SCIN: variants seen among roughly 807,000 people sequenced by gnomAD.
SCIN encodes the protein adseverin.
Under a neutral mutation model 91.8 loss-of-function variants are expected in SCIN, and 91 were observed. That is an observed-to-expected ratio of 0.99 (90% CI 0.84 to 1.18). The LOEUF is 1.18. Ranked by LOEUF, SCIN falls within the 50% of genes most tolerant of loss-of-function variation. The probability of loss-of-function intolerance (pLI) is 0.00; values close to 1 mark genes in which losing one functional copy is unlikely to be tolerated. For synonymous variants in SCIN, 367 were observed against 312.6 expected (o/e 1.17, Z -1.84); for missense variants, 1,087 against 863.9 (o/e 1.26, Z -3.24).
chr7:12,615,092 G>A (rs1783271889), intron 4 of SCIN, among the ~76,000 whole-genome samples: 1 of 152,192 alleles, frequency 6.6e-6, no homozygotes, highest in Non-Finnish European at 1.5e-5. Flanking sequence ...TAAACATACA[G>A]AGCAAGGGAA....
In SCIN at chr7:12,626,748, G is replaced by A. The variant is rs149931084; in HGVS notation, c.1146G>A (p.Pro382=). 25 of 1,610,574 alleles carry A rather than the reference G, an allele frequency of 1.6e-5. No individual in the cohort carries two copies. Among genetic ancestry groups the A allele is most frequent in the South Asian group, 7.8e-5 (7 of 90,122 alleles). The part of the protein sequence containing the change: ...PFDASKLHSS[P]QMAAQHNMVD... ...ATGCCTCAAAATTACACAGTTCTCC[G>A]CAGATGGCAGCCCAGCACAATATGG... Residue 382 remains proline, a synonymous_variant, in exon 8 of 16, where the codon CCG becomes CCA. Coordinates refer to ENST00000297029, the MANE Select transcript of SCIN (RefSeq NM_001112706.3).
At chr7:12,590,586 A>G (rs1461202421) in intron 3 of SCIN, among the ~76,000 whole-genome samples, 2 of 151,892 alleles carry the variant, frequency 1.3e-5, no homozygotes, top group Admixed American at 6.6e-5. Context: ...TGCTTGCTGT[A>G]TAGCAAAGCT....
chr7:12,579,593 G>A (rs551676842), intron 2 of SCIN, among the ~76,000 whole-genome samples: 2 of 152,246 alleles, frequency 1.3e-5, no homozygotes, highest in East Asian at 1.9e-4. Context: ...TCCTCATACA[G>A]GTGTTGTATT....
intron 11 of SCIN, among the ~76,000 whole-genome samples, chr7:12,643,708 C>T (rs955082869): frequency 1.3e-5 from 2 of 152,188 alleles, no homozygotes; most frequent in African/African-American, 4.8e-5. Flanking sequence ...AGCAAATCAC[C>T]CCTGCCTTCT....
intron 11 of SCIN, among the ~76,000 whole-genome samples, chr7:12,641,757 A>G (rs1217914450): frequency 6.6e-6 from 1 of 152,006 alleles, no homozygotes; most frequent in Non-Finnish European, 1.5e-5. Context: ...CTCCAGGCCT[A>G]TAGCTGAATC....
chr7:12,633,437 T>G (rs547021057), intron 9 of SCIN, among the ~76,000 whole-genome samples: 2 of 152,074 alleles, frequency 1.3e-5, no homozygotes, highest in Non-Finnish European at 2.9e-5. Context: ...AAACAAAGAG[T>G]GACTGCGTTA....
intron 3 of SCIN, among the ~76,000 whole-genome samples, chr7:12,585,342 C>A (rs1013958652): frequency 4.6e-5 from 7 of 152,128 alleles, no homozygotes; most frequent in African/African-American, 1.7e-4. Context: ...CCCTCTCAGG[C>A]CACTGTTATT....
intron 3 of SCIN, among the ~76,000 whole-genome samples, chr7:12,582,053 T>A (rs1782498666): frequency 6.6e-6 from 1 of 152,178 alleles, no homozygotes; most frequent in Non-Finnish European, 1.5e-5. Flanking sequence ...AACATTCTAA[T>A]TATCATTCCT....
intron 4 of SCIN, among the ~76,000 whole-genome samples, chr7:12,622,461 A>C (rs1230547146): frequency 1.3e-5 from 2 of 152,188 alleles, no homozygotes; most frequent in African/African-American, 4.8e-5. Context: ...CATAGAAGAA[A>C]TTCTGCTGCA....
At chr7:12,575,166 A>G (rs1025220596) in intron 1 of SCIN, among the ~76,000 whole-genome samples, 1 of 150,338 alleles carries the variant, frequency 6.7e-6, no homozygotes, top group Admixed American at 6.6e-5. Flanking sequence ...AATGTGACTG[A>G]TTTTTTGTAT....
intron 9 of SCIN, among the ~76,000 whole-genome samples, chr7:12,634,469 G>C (rs1447048431): frequency 6.9e-6 from 1 of 145,158 alleles, no homozygotes; most frequent in African/African-American, 2.6e-5. Flanking sequence ...TGGGCAACAA[G>C]AGCGAAACTC....
chr7:12,619,748 A>G (rs368814250), intron 4 of SCIN, among the ~76,000 whole-genome samples: 5 of 152,248 alleles, frequency 3.3e-5, no homozygotes, highest in East Asian at 3.9e-4. Context: ...GATGACATTC[A>G]GCATCTGAAG....
intron 11 of SCIN, 54 bp downstream of exon 11, chr7:12,640,571 C>T: frequency 7.0e-7 from 1 of 1,436,084 alleles, no homozygotes; most frequent in Non-Finnish European, 9.2e-7. Context: ...CCCAATGGAC[C>T]TGAGCCATCA....
chr7:12,578,909 G>GTTTT lies in SCIN; in HGVS notation c.354+703_354+706dup. ...TAAGGCAGCCTTCAGTATAGGACAG[G>GTTTT]TTTTTTTTTTTTTTTGGCATCCTCC... On this transcript the variant is annotated intron_variant, in intron 2 of 15. Transcript: ENST00000297029. Among the ~76,000 whole-genome samples the GTTTT allele has an allele frequency of 1.2e-3, 102 of 85,902 alleles. 14 individuals are homozygous for GTTTT. Among genetic ancestry groups the GTTTT allele is most frequent in the African/African-American group, 3.6e-3 (70 of 19,428 alleles). The allele number at this position is 85,902 out of a possible 152,430, so 56.4% of individuals were successfully genotyped here.
chr7:12,634,417 G>A (rs760991066), intron 9 of SCIN, among the ~76,000 whole-genome samples: 10 of 151,928 alleles, frequency 6.6e-5, no homozygotes, highest in East Asian at 2.0e-4. Context: ...CCCAGGAGGC[G>A]GAGACTGTGG....
At chr7:12,603,159 T>G (rs1782993023) in intron 3 of SCIN, among the ~76,000 whole-genome samples, 1 of 152,136 alleles carries the variant, frequency 6.6e-6, no homozygotes, top group Admixed American at 6.5e-5. Context: ...TAATTTTTTT[T>G]TTTGAGACAG....
rs753723183 is a variant in SCIN, at chr7:12,625,796, A to C, written c.927A>C (p.Ala309=). Residue 309 remains alanine, a synonymous_variant, in exon 7 of 16, where the codon GCA becomes GCC. Coordinates refer to ENST00000297029, the MANE Select transcript of SCIN (RefSeq NM_001112706.3). ...CTAATCCCCAAGAGAGGAAGGCTGC[A>C]ATGAAGACAGCTGAAGAATTTCTAC... is the stretch of plus-strand genomic sequence containing the variant. ...KDANPQERKA[A]MKTAEEFLQQ... is the part of the protein sequence containing the mutation. 5.6e-6 allele frequency: 9 copies of C among 1,612,876 alleles called. No individual in the cohort carries two copies. In the South Asian group the frequency reaches 9.9e-5, roughly 18 times the overall value.
At chr7:12,574,359 C>T (rs746841558) in intron 1 of SCIN, among the ~76,000 whole-genome samples, 1 of 151,902 alleles carries the variant, frequency 6.6e-6, no homozygotes, top group Non-Finnish European at 1.5e-5. Context: ...TTGGCATTGC[C>T]GTTGGTTACA....
At chr7:12,602,211 A>T (rs1661838557) in intron 3 of SCIN, among the ~76,000 whole-genome samples, 1 of 152,204 alleles carries the variant, frequency 6.6e-6, no homozygotes, top group African/African-American at 2.4e-5. Flanking sequence ...TGCCCACCTG[A>T]GCCTTAAAGC....
Sources: allele counts gnomAD v4.1 joint callset (sites outside exome capture counted in the v4.1 genomes callset), GRCh38; gene constraint gnomAD v4.1.1; transcripts MANE v1.5; gene names NCBI Gene and HGNC (gene_info 2026-07-23, HGNC 2026-07-21).